EIPR1: variants seen among roughly 807,000 people sequenced by gnomAD.
EIPR1 encodes the protein EARP complex and GARP complex interacting protein 1.
Under a neutral mutation model 48.1 loss-of-function variants are expected in EIPR1, and 25 were observed. That is an observed-to-expected ratio of 0.52 (90% CI 0.38 to 0.73). EIPR1 has a LOEUF of 0.73. Among genes scored for constraint, EIPR1 ranks in the 30% least tolerant of loss-of-function variants. The probability of loss-of-function intolerance (pLI) is 0.00; values close to 1 mark genes in which losing one functional copy is unlikely to be tolerated. For missense variants in EIPR1, 415 were observed against 506.2 expected, an observed-to-expected ratio of 0.82 and a Z score of 1.73; for synonymous variants, 204 against 201.9, an observed-to-expected ratio of 1.01 and a Z score of -0.09.
At position 3,344,163 on chromosome 2, in the gene EIPR1, G is replaced by A. The variant is rs1410303232; in HGVS notation, c.127-6014C>T. Among the ~76,000 whole-genome samples, 8 of 152,304 alleles carry A rather than the reference G, an allele frequency of 5.3e-5. No individual in the cohort carries two copies. The East Asian group carries it at 5.8e-4, about 11-fold the overall frequency. The stretch of plus-strand genomic sequence containing the variant: ...TTCCCCAGAGGCAGGAGATTCCCTC[G>A]GCCGCTGATGGCAAACCCCCCAGCT... On this transcript the variant is annotated intron_variant, in intron 2 of 8. Coordinates refer to ENST00000382125, the MANE Select transcript of EIPR1 (RefSeq NM_003310.5).
intron 4 of EIPR1, 91 bp from the exon 5 acceptor site, chr2:3,214,339 C>T (rs1243753048): frequency 6.5e-6 from 8 of 1,221,904 alleles, no homozygotes; most frequent in East Asian, 2.4e-5. Context: ...CTTCATGACG[C>T]AGGAAATCTT....
chr2:3,270,424 C>T (rs1667671565), intron 3 of EIPR1, among the ~76,000 whole-genome samples: 1 of 152,210 alleles, frequency 6.6e-6, no homozygotes, highest in South Asian at 2.1e-4. Context: ...GCGGTGGTAG[C>T]TGCTTCCCAT....
chr2:3,236,181 T>C (rs1484894966), intron 4 of EIPR1, among the ~76,000 whole-genome samples: 1 of 152,156 alleles, frequency 6.6e-6, no homozygotes, highest in East Asian at 1.9e-4. Context: ...GCCGTACGTG[T>C]ACTGTATGTT....
chr2:3,259,321 A>C (rs1489566496), intron 3 of EIPR1, among the ~76,000 whole-genome samples: 2 of 152,094 alleles, frequency 1.3e-5, no homozygotes, highest in Non-Finnish European at 2.9e-5. Flanking sequence ...CCTTCTTTGG[A>C]GAATTCTGTT....
At chr2:3,304,226 C>T (rs200705989) in intron 3 of EIPR1, among the ~76,000 whole-genome samples, 1 of 152,178 alleles carries the variant, frequency 6.6e-6, no homozygotes, top group African/African-American at 2.4e-5. Flanking sequence ...GTGCTGTGCG[C>T]GGGGAGGTGG....
chr2:3,274,179 G>A (rs547271826), intron 3 of EIPR1, among the ~76,000 whole-genome samples: 3 of 152,226 alleles, frequency 2.0e-5, no homozygotes, highest in African/African-American at 7.2e-5. Flanking sequence ...CCTTAAGTGG[G>A]GTGCACAGGA....
At chr2:3,365,847 A>G (rs1393176076) in intron 1 of EIPR1, among the ~76,000 whole-genome samples, 1 of 152,052 alleles carries the variant, frequency 6.6e-6, no homozygotes, top group East Asian at 1.9e-4. Context: ...TTAGTACAGA[A>G]CAAAATGAAA....
chr2:3,310,371 T>C lies in EIPR1; in HGVS notation c.259+27646A>G, dbSNP rs894440824. ...AAAGGCTTTTAAAAGTCTTGATAAT[T>C]GGCCGGGCGCGGTGGCTCACGCCTG... On this transcript the variant is annotated intron_variant, in intron 3 of 8. Coordinates refer to ENST00000382125, the MANE Select transcript of EIPR1 (RefSeq NM_003310.5). Among the ~76,000 whole-genome samples, 7 of 152,026 alleles carry C rather than the reference T, an allele frequency of 4.6e-5. No homozygotes were observed. In the East Asian group the frequency reaches 5.8e-4, roughly 13 times the overall value.
chr2:3,264,974 C>T (rs545336196), intron 3 of EIPR1, among the ~76,000 whole-genome samples: 4 of 152,172 alleles, frequency 2.6e-5, no homozygotes, highest in South Asian at 2.1e-4. Context: ...CTTGAGCCAC[C>T]GCACCTGGCC....
chr2:3,200,459 A>G (rs1664991289), intron 5 of EIPR1, among the ~76,000 whole-genome samples: 1 of 152,184 alleles, frequency 6.6e-6, no homozygotes, highest in Admixed American at 6.5e-5. Flanking sequence ...TCTCCACAGT[A>G]AGCTGAAGGG....
intron 3 of EIPR1, among the ~76,000 whole-genome samples, chr2:3,314,959 T>C (rs541872224): frequency 1.3e-5 from 2 of 151,836 alleles, no homozygotes; most frequent in African/African-American, 4.8e-5. Flanking sequence ...CCTGGCGGTG[T>C]CCACACAGCA....
Position 3,354,547 on chromosome 2 carries a change from T to C in EIPR1, c.126+3A>G, listed in dbSNP as rs746808270. On this transcript the variant is annotated splice_donor_region_variant and intron_variant, in intron 2 of 8. Coordinates refer to ENST00000382125, the MANE Select transcript of EIPR1 (RefSeq NM_003310.5). Reference sequence around the variant, plus strand: ...CATGTATACATTTGTCAAAAATAGTTACCTGATTATCATATTTAAGAGACT... The same window carrying C: ...CATGTATACATTTGTCAAAAATAGTCACCTGATTATCATATTTAAGAGACT... The C allele has an allele frequency of 6.2e-7, 1 of 1,613,570 alleles. No homozygotes were observed. The highest frequency in any genetic ancestry group is 8.5e-7 in the Non-Finnish European group (1 of 1,179,606).
chr2:3,372,526 A>G (rs909473266), intron 1 of EIPR1, among the ~76,000 whole-genome samples: 5 of 152,248 alleles, frequency 3.3e-5, no homozygotes, highest in Non-Finnish European at 5.9e-5. Flanking sequence ...AAATAGACGC[A>G]ATAAAAAATG....
At chr2:3,364,074 T>C (rs1188980899) in intron 1 of EIPR1, among the ~76,000 whole-genome samples, 3 of 152,070 alleles carry the variant, frequency 2.0e-5, no homozygotes, top group Non-Finnish European at 4.4e-5. Flanking sequence ...GAATATAAAT[T>C]AGTACAGTCA....
At chr2:3,292,929 A>C (rs944607288) in intron 3 of EIPR1, among the ~76,000 whole-genome samples, 6 of 152,212 alleles carry the variant, frequency 3.9e-5, no homozygotes, top group Admixed American at 6.5e-5. Flanking sequence ...CATTTGCAGA[A>C]AACGAGAAAG....
intron 3 of EIPR1, among the ~76,000 whole-genome samples, chr2:3,266,887 G>A (rs191659535): frequency 3.0e-4 from 46 of 152,350 alleles, no homozygotes; most frequent in African/African-American, 1.1e-3. Context: ...GATGACCACC[G>A]TGCAGAGGCG....
Position 3,312,488 on chromosome 2 carries a change from G to C in EIPR1, c.259+25529C>G, listed in dbSNP as rs1001652954. On this transcript the variant is annotated intron_variant, in intron 3 of 8. Coordinates refer to ENST00000382125, the MANE Select transcript of EIPR1 (RefSeq NM_003310.5). This position sits in a 1 kb window ranked among gnomAD's most constrained non-coding sequence, Gnocchi z 5.5. ...TCTCACTGCCTCCAAAATACACCCT[G>C]TCCAATATTCCATCTCCAGGTTCCC... Among the ~76,000 whole-genome samples the C allele has an allele frequency of 6.6e-6, 1 of 152,122 alleles. No homozygotes were observed. Among genetic ancestry groups the C allele is most frequent in the Non-Finnish European group, 1.5e-5 (1 of 68,018 alleles).
chr2:3,246,536 G>T (rs1386282986), intron 4 of EIPR1, among the ~76,000 whole-genome samples: 1 of 151,244 alleles, frequency 6.6e-6, no homozygotes, highest in Non-Finnish European at 1.5e-5. Context: ...ATTTCACTGT[G>T]ATATTTACCT....
chr2:3,195,018 T>C (rs1664760728), intron 6 of EIPR1, among the ~76,000 whole-genome samples: 1 of 152,058 alleles, frequency 6.6e-6, no homozygotes, highest in African/African-American at 2.4e-5. Context: ...TACACACACA[T>C]GCACACATCT....
Sources: allele counts gnomAD v4.1 joint callset (sites outside exome capture counted in the v4.1 genomes callset), GRCh38; gene constraint gnomAD v4.1.1; non-coding constraint Gnocchi (gnomAD v3.1); transcripts MANE v1.5; gene names NCBI Gene and HGNC (gene_info 2026-07-23, HGNC 2026-07-21).